Variants in CLSTN2 observed in about 807,000 individuals in gnomAD.
CLSTN2 encodes calsyntenin-2.
Under a neutral mutation model 101.2 loss-of-function variants are expected in CLSTN2, and 48 were observed. The observed-to-expected ratio is 0.47, with a 90% CI of 0.38 to 0.60. The LOEUF (loss-of-function observed/expected upper bound fraction) is 0.60, where lower values mean the gene tolerates loss of function less well. Ranked by LOEUF, CLSTN2 falls within the 20% of genes least tolerant of loss-of-function variation. The pLI is 0.00. For synonymous variants in CLSTN2, 481 were observed against 463.6 expected, an observed-to-expected ratio of 1.04 and a Z score of -0.48; for missense variants, 1,160 against 1,238.2, an observed-to-expected ratio of 0.94 and a Z score of 0.95.
rs80009411 is a variant in CLSTN2, at chr3:140,242,843, G to A, written c.232+66770G>A. Among the ~76,000 whole-genome samples the A allele has an allele frequency of 3.6e-3, 549 of 152,304 alleles. 2 individuals are homozygous for A. Among genetic ancestry groups the A allele is most frequent in the East Asian group, 0.015 (77 of 5,172 alleles). ...TTGCATCCCCTAGGAACACTGCACC[G>A]TTATGGCCTTGCCCTGGAGGAAGGG... On this transcript the variant is annotated intron_variant, in intron 2 of 16. Transcript: ENST00000458420.
chr3:140,437,467 A>G (rs964832228), intron 5 of CLSTN2, among the ~76,000 whole-genome samples: 1 of 152,192 alleles, frequency 6.6e-6, no homozygotes, highest in African/African-American at 2.4e-5. Flanking sequence ...TAATAACAGT[A>G]TGTCATCCCT....
At chr3:140,328,624 A>G (rs978912468) in intron 2 of CLSTN2, among the ~76,000 whole-genome samples, 2 of 152,144 alleles carry the variant, frequency 1.3e-5, no homozygotes, top group African/African-American at 4.8e-5. Context: ...GAAACATGAG[A>G]TATGGAGAAT....
chr3:140,509,405 G>A (rs1242177657), intron 8 of CLSTN2, among the ~76,000 whole-genome samples: 1 of 152,116 alleles, frequency 6.6e-6, no homozygotes, highest in Non-Finnish European at 1.5e-5. Context: ...TGAGGCTGGA[G>A]AGTGAATTTA....
intron 8 of CLSTN2, among the ~76,000 whole-genome samples, chr3:140,468,814 A>G: frequency 6.6e-6 from 1 of 152,270 alleles, no homozygotes; most frequent in East Asian, 1.9e-4. Flanking sequence ...CTGAAGTACA[A>G]AATGTTCATA....
intron 4 of CLSTN2, among the ~76,000 whole-genome samples, chr3:140,406,491 T>C (rs910015902): frequency 8.6e-5 from 13 of 152,044 alleles, no homozygotes; most frequent in African/African-American, 3.1e-4. Context: ...AAGGAGGAAA[T>C]ATAGGACTTT....
chr3:140,157,545 C>T (rs2009975540), intron 1 of CLSTN2, among the ~76,000 whole-genome samples: 1 of 152,170 alleles, frequency 6.6e-6, no homozygotes, highest in African/African-American at 2.4e-5. Flanking sequence ...TCGTAATAGT[C>T]TCTGAGGATC....
At chr3:140,072,020 T>C (rs1006751517) in intron 1 of CLSTN2, among the ~76,000 whole-genome samples, 9 of 152,182 alleles carry the variant, frequency 5.9e-5, no homozygotes, top group African/African-American at 2.2e-4. Context: ...TTCCCATGCA[T>C]AGTTTGAAAG....
intron 10 of CLSTN2, among the ~76,000 whole-genome samples, chr3:140,555,387 G>A (rs1184275557): frequency 6.6e-6 from 1 of 152,164 alleles, no homozygotes; most frequent in Admixed American, 6.5e-5. Flanking sequence ...GGGAGGGAAA[G>A]CAACTAATTT....
At chr3:140,277,265 G>T (rs1321242530) in intron 2 of CLSTN2, among the ~76,000 whole-genome samples, 1 of 152,182 alleles carries the variant, frequency 6.6e-6, no homozygotes, top group Non-Finnish European at 1.5e-5. Flanking sequence ...AGGGGATGAT[G>T]AGATAAATTG....
chr3:140,178,807 G>T (rs745632714), intron 2 of CLSTN2, among the ~76,000 whole-genome samples: 1 of 152,090 alleles, frequency 6.6e-6, no homozygotes, highest in South Asian at 2.1e-4. Context: ...ATCACTCCTC[G>T]AAGTCAACTG....
intron 1 of CLSTN2, among the ~76,000 whole-genome samples, chr3:140,038,830 G>A (rs1039307604): frequency 6.6e-6 from 1 of 152,110 alleles, no homozygotes; most frequent in Non-Finnish European, 1.5e-5. Context: ...ATAGAGCAAA[G>A]GACAATGTAT....
At chr3:140,417,618 T>C (rs1021816851) in intron 4 of CLSTN2, among the ~76,000 whole-genome samples, 2 of 152,162 alleles carry the variant, frequency 1.3e-5, no homozygotes. Context: ...TTTTTCAAGT[T>C]CCTTTGGAGA....
intron 1 of CLSTN2, among the ~76,000 whole-genome samples, chr3:140,049,130 A>G (rs2007939504): frequency 6.6e-6 from 1 of 152,212 alleles, no homozygotes; most frequent in African/African-American, 2.4e-5. Flanking sequence ...TCTAAGGCAC[A>G]GACGGCATCT....
chr3:140,291,288 T>C (rs1290315049), intron 2 of CLSTN2, among the ~76,000 whole-genome samples: 1 of 151,980 alleles, frequency 6.6e-6, no homozygotes. Context: ...ACTTTATTAC[T>C]CTCTCTCCCC....
chr3:140,058,110 C>T (rs1389257030), intron 1 of CLSTN2, among the ~76,000 whole-genome samples: 2 of 151,838 alleles, frequency 1.3e-5, no homozygotes, highest in Non-Finnish European at 2.9e-5. Context: ...ATTTCAAAAA[C>T]TAAACACTCA....
At chr3:140,116,344 T>A (rs2009242024) in intron 1 of CLSTN2, among the ~76,000 whole-genome samples, 1 of 152,242 alleles carries the variant, frequency 6.6e-6, no homozygotes, top group African/African-American at 2.4e-5. Context: ...CAAAGTAATA[T>A]TATTAAATTC....
chr3:140,008,430 G>A (rs1310815896), intron 1 of CLSTN2, among the ~76,000 whole-genome samples: 1 of 152,214 alleles, frequency 6.6e-6, no homozygotes, highest in African/African-American at 2.4e-5. Flanking sequence ...TCCATACTGG[G>A]CTGAGTAAGG....
intron 1 of CLSTN2, among the ~76,000 whole-genome samples, chr3:139,979,164 C>T (rs191444592): frequency 2.8e-4 from 43 of 152,200 alleles, no homozygotes; most frequent in African/African-American, 8.7e-4. Flanking sequence ...ATCTGCAATA[C>T]GTGACCAGGA....
At chr3:140,353,068 T>G (rs1433313754) in intron 2 of CLSTN2, among the ~76,000 whole-genome samples, 1 of 152,104 alleles carries the variant, frequency 6.6e-6, no homozygotes, top group Non-Finnish European at 1.5e-5. Flanking sequence ...ATATTAAAAC[T>G]TATTATAAGT....
Sources: gnomAD v4.1 joint callset for allele counts (sites outside exome capture counted in the v4.1 genomes callset) on GRCh38, gnomAD v4.1.1 for gene constraint, MANE v1.5 for transcripts, NCBI Gene and HGNC (gene_info 2026-07-23, HGNC 2026-07-21) for gene names.